The following THTPA variants were observed in gnomAD, a reference collection of about 807,000 sequenced individuals.
THTPA encodes thiamine-triphosphatase.
THTPA carries 16 observed loss-of-function variants against 16.5 expected under a neutral mutation model. The ratio of observed to expected loss-of-function variants is 0.97; its 90% confidence interval spans 0.66 to 1.47. THTPA has a LOEUF of 1.47. THTPA is among the 40% of genes most tolerant of loss of function. The probability of loss-of-function intolerance (pLI) is 0.00; values close to 1 mark genes in which losing one functional copy is unlikely to be tolerated. For missense variants in THTPA, 281 were observed against 280.9 expected (o/e 1.00, Z 0.00); for synonymous variants, 110 against 115.5 (o/e 0.95, Z 0.30).
At chr14:23,531,823 G>A in the THTPA span, 10 of 1,248,718 alleles carry the variant, frequency 8.0e-6, no homozygotes, top group African/African-American at 1.4e-4. Flanking sequence ...TGTTGCCCAG[G>A]CTGGAGTGCA....
chr14:23,551,915 C>T (rs1182905751), upstream of THTPA, among the ~76,000 whole-genome samples: 1 of 152,226 alleles, frequency 6.6e-6, no homozygotes, highest in Non-Finnish European at 1.5e-5. This position sits in a 1 kb window ranked among gnomAD's most constrained non-coding sequence, Gnocchi z 5.3. Flanking sequence ...CCCACCAGGT[C>T]GCCTCCAGGT....
At chr14:23,550,757 C>CA in the THTPA span, among the ~76,000 whole-genome samples, 21 of 151,908 alleles carry the variant, frequency 1.4e-4, no homozygotes, top group Admixed American at 1.1e-3. Flanking sequence ...TCAACACTTT[C>CA]AAAAAAAGGA....
chr14:23,522,598 G>A, the THTPA span: 1 of 1,529,620 alleles, frequency 6.5e-7, no homozygotes. Flanking sequence ...GGGGGCCAAA[G>A]ACAGCTGGCG....
chr14:23,522,738 G>C, the THTPA span: 13 of 1,536,406 alleles, frequency 8.5e-6, no homozygotes, highest in Non-Finnish European at 1.0e-5. Flanking sequence ...CCTGCAACTG[G>C]CTTTCGCTCA....
chr14:23,534,657 G>A, the THTPA span: 2 of 1,536,078 alleles, frequency 1.3e-6, no homozygotes, highest in Admixed American at 2.0e-5. This position sits in a 1 kb window ranked among gnomAD's most constrained non-coding sequence, Gnocchi z 4.5. Flanking sequence ...TCCCCATGGG[G>A]CCATCTTTGG....
chr14:23,521,527 G>C, the THTPA span: 1 of 157,696 alleles, frequency 6.3e-6, no homozygotes, highest in Non-Finnish European at 1.4e-5. Flanking sequence ...AAATTTTTTG[G>C]TGTTTTCTCA....
chr14:23,533,610 C>A, the THTPA span: 1 of 1,536,824 alleles, frequency 6.5e-7, no homozygotes, highest in South Asian at 1.2e-5. The surrounding 1 kb of genome is among the most constrained non-coding windows in gnomAD (Gnocchi z 4.8). Context: ...AGCTGCACAC[C>A]TTGCACTGCC....
At chr14:23,536,023 C>G in the THTPA span, among the ~76,000 whole-genome samples, 13 of 152,184 alleles carry the variant, frequency 8.5e-5, no homozygotes, top group Non-Finnish European at 1.9e-4. Context: ...CTGGACATAT[C>G]CACTTCAACA....
At chr14:23,544,498 T>C in the THTPA span, among the ~76,000 whole-genome samples, 2 of 152,186 alleles carry the variant, frequency 1.3e-5, no homozygotes, top group Non-Finnish European at 2.9e-5. Flanking sequence ...CAGTACTTCT[T>C]TGGGGTTGGT....
the THTPA span, chr14:23,522,835 C>A: frequency 6.5e-7 from 1 of 1,533,758 alleles, no homozygotes. Context: ...TTTGGTCGGG[C>A]ATGGGTCTCT....
At chr14:23,527,014 C>A in the THTPA span, 4 of 1,468,540 alleles carry the variant, frequency 2.7e-6, no homozygotes, top group African/African-American at 1.4e-5. Flanking sequence ...CACCACCCCC[C>A]ACTGCCCCTA....
the THTPA span, chr14:23,525,857 T>A: frequency 6.9e-7 from 1 of 1,452,892 alleles, no homozygotes; most frequent in Non-Finnish European, 9.0e-7. This position sits in a 1 kb window ranked among gnomAD's most constrained non-coding sequence, Gnocchi z 5.9. Context: ...CAGGAGCAGC[T>A]GCTGCTGCTG....
chr14:23,534,084 G>T, the THTPA span: 1 of 1,508,862 alleles, frequency 6.6e-7, no homozygotes, highest in African/African-American at 1.4e-5. The surrounding 1 kb of genome is among the most constrained non-coding windows in gnomAD (Gnocchi z 4.5). Flanking sequence ...GCTGGGGTGG[G>T]TCACTGGGGT....
At chr14:23,549,824 C>T in the THTPA span, among the ~76,000 whole-genome samples, 1 of 152,188 alleles carries the variant, frequency 6.6e-6, no homozygotes, top group Non-Finnish European at 1.5e-5. Flanking sequence ...CCATACCCCA[C>T]ACCTCTCCCA....
At chr14:23,531,447 C>T in the THTPA span, 8 of 1,375,064 alleles carry the variant, frequency 5.8e-6, no homozygotes, top group Non-Finnish European at 7.5e-6. Context: ...GCCCTCCCTG[C>T]CCAGCTCTTA....
chr14:23,515,280 C>T, the THTPA span, among the ~76,000 whole-genome samples: 2 of 152,148 alleles, frequency 1.3e-5, no homozygotes, highest in African/African-American at 4.8e-5. Flanking sequence ...ATTTGCTGAG[C>T]TGTGGTTGAG....
At chr14:23,525,358 C>A in the THTPA span, 2 of 1,535,922 alleles carry the variant, frequency 1.3e-6, no homozygotes, top group Non-Finnish European at 1.7e-6. The surrounding 1 kb of genome is among the most constrained non-coding windows in gnomAD (Gnocchi z 5.9). Flanking sequence ...CTGCAAGGGG[C>A]GGGTATAGGC....
the THTPA span, among the ~76,000 whole-genome samples, chr14:23,519,163 G>A: frequency 3.9e-5 from 6 of 152,000 alleles, no homozygotes; most frequent in East Asian, 1.2e-3. Context: ...CAAGAGGAGG[G>A]GGGATTTCTG....
At chr14:23,526,171 G>A in the THTPA span, 4 of 1,536,564 alleles carry the variant, frequency 2.6e-6, no homozygotes, top group South Asian at 2.4e-5. Context: ...AGCTCTGGTT[G>A]TAGGAGACTC....
Sources: allele counts gnomAD v4.1 joint callset (sites outside exome capture counted in the v4.1 genomes callset), GRCh38; gene constraint gnomAD v4.1.1; non-coding constraint Gnocchi (gnomAD v3.1); transcripts MANE v1.5; gene names NCBI Gene and HGNC (gene_info 2026-07-23, HGNC 2026-07-21).